Variants in CHCHD3 observed in about 807,000 individuals in gnomAD.
CHCHD3 encodes the protein MICOS complex subunit MIC19.
Under a neutral mutation model 38.2 loss-of-function variants are expected in CHCHD3, and 20 were observed. That is an observed-to-expected ratio of 0.52 (90% CI 0.37 to 0.76). CHCHD3 has a LOEUF of 0.76. CHCHD3 is among the 30% of genes least tolerant of loss of function. The pLI is 0.00. For synonymous variants in CHCHD3, 82 were observed against 100.0 expected (o/e 0.82, Z 1.07); for missense variants, 245 against 279.2 (o/e 0.88, Z 0.87).
intron 4 of CHCHD3, among the ~76,000 whole-genome samples, chr7:132,970,268 A>C (rs2117323355): frequency 6.6e-6 from 1 of 152,274 alleles, no homozygotes; most frequent in South Asian, 2.1e-4. Context: ...TCATACTTCA[A>C]GAGTCAGCTC....
At chr7:133,029,487 C>T (rs1157642178) in intron 2 of CHCHD3, among the ~76,000 whole-genome samples, 3 of 152,158 alleles carry the variant, frequency 2.0e-5, no homozygotes, top group African/African-American at 7.2e-5. Context: ...TAAGAACATA[C>T]AGTATTTGTC....
At chr7:132,919,139 T>C (rs1026581283) in intron 4 of CHCHD3, among the ~76,000 whole-genome samples, 4 of 134,230 alleles carry the variant, frequency 3.0e-5, no homozygotes, top group African/African-American at 1.1e-4. Context: ...GACGGAGTCT[T>C]GCTCTGTCGC....
intron 2 of CHCHD3, among the ~76,000 whole-genome samples, chr7:133,059,198 A>AG (rs1237467158): frequency 1.3e-5 from 2 of 152,190 alleles, no homozygotes; most frequent in African/African-American, 2.4e-5. Flanking sequence ...GCCACACAGG[A>AG]GAAGATAGAG....
chr7:133,017,546 A>G (rs1278301854), intron 3 of CHCHD3, among the ~76,000 whole-genome samples: 1 of 152,226 alleles, frequency 6.6e-6, no homozygotes, highest in Non-Finnish European at 1.5e-5. Flanking sequence ...ACTTTGGCAC[A>G]AATGACTTCA....
At chr7:132,832,844 C>G (rs960063456) in intron 6 of CHCHD3, among the ~76,000 whole-genome samples, 1 of 152,178 alleles carries the variant, frequency 6.6e-6, no homozygotes, top group African/African-American at 2.4e-5. Flanking sequence ...AGCTACATTG[C>G]TGTGAGGCTT....
intron 6 of CHCHD3, among the ~76,000 whole-genome samples, chr7:132,804,914 G>GCTCC (rs1806876762): frequency 1.3e-5 from 2 of 152,174 alleles, no homozygotes; most frequent in South Asian, 4.1e-4. Context: ...GTGGGAGGAG[G>GCTCC]GGTAGAGTCA....
chr7:133,066,866 T>C (rs1313426227), intron 2 of CHCHD3, among the ~76,000 whole-genome samples: 1 of 152,190 alleles, frequency 6.6e-6, no homozygotes, highest in East Asian at 1.9e-4. Context: ...CAACGGGTTC[T>C]TTCCTTAGTT....
intron 2 of CHCHD3, chr7:133,051,916 G>C (rs1814179252): frequency 6.6e-6 from 1 of 152,186 alleles, no homozygotes; most frequent in Non-Finnish European, 1.5e-5. Context: ...GGGAATCTTA[G>C]AGATAACAGT....
Position 133,050,340 on chromosome 7 carries a change from TAAAAAAAAAAAAAAAAA to T in CHCHD3, c.169+19785_169+19801del, listed in dbSNP as rs35635002. 2.7e-3 allele frequency among the ~76,000 whole-genome samples: 85 copies of T among 31,858 alleles called. 1 individual carries two copies. The highest frequency in any genetic ancestry group is 9.6e-3 in the Admixed American group (17 of 1,774). The allele number at this position is 31,858 out of a possible 152,430, so 20.9% of individuals were successfully genotyped here. A position where few individuals can be genotyped will look rare whatever the true frequency, so the allele number is the denominator to read the frequency against. On this transcript the variant is annotated intron_variant, in intron 2 of 7. Transcript: ENST00000262570. ...CTGAGTAACAGAGGAGGCTGTGTCT[TAAAAAAAAAAAAAAAAA>T]AAAAAAAAAAAAAAAAAATGCAGAA...
At chr7:132,938,425 G>A (rs183733638) in intron 4 of CHCHD3, among the ~76,000 whole-genome samples, 1 of 152,080 alleles carries the variant, frequency 6.6e-6, no homozygotes, top group Non-Finnish European at 1.5e-5. Context: ...CCAAAAGCTG[G>A]GGTAAAAACC....
rs57197603 is a variant in CHCHD3 at position 132,851,399 on chromosome 7, T to C, written c.454-12930A>G. Among the ~76,000 whole-genome samples the C allele has an allele frequency of 1.4e-4, 21 of 152,296 alleles. No individual in the cohort carries two copies. The East Asian group carries it at 3.3e-3, about 24-fold the overall frequency. The stretch of plus-strand genomic sequence containing the variant: ...TGGGACTTCTCATTTATCGCAAATA[T>C]AAGGTATTAATTTTTCTATTATTCT... On this transcript the variant is annotated intron_variant, in intron 5 of 7. Coordinates refer to ENST00000262570, the MANE Select transcript of CHCHD3 (RefSeq NM_017812.4).
At chr7:132,926,769 A>T (rs1210144324) in intron 4 of CHCHD3, among the ~76,000 whole-genome samples, 1 of 152,156 alleles carries the variant, frequency 6.6e-6, no homozygotes, top group Non-Finnish European at 1.5e-5. Context: ...TCTATCTAAC[A>T]CAATGTAAAT....
At chr7:133,010,693 C>G (rs1397340902) in intron 3 of CHCHD3, among the ~76,000 whole-genome samples, 2 of 152,106 alleles carry the variant, frequency 1.3e-5, no homozygotes, top group Non-Finnish European at 2.9e-5. Flanking sequence ...ATTCTCGTGC[C>G]TCAGCCTCCT....
chr7:132,900,727 T>C (rs1809645229), intron 4 of CHCHD3, among the ~76,000 whole-genome samples: 1 of 152,314 alleles, frequency 6.6e-6, no homozygotes, highest in African/African-American at 2.4e-5. Flanking sequence ...CTAGGCATGG[T>C]GGCCTGTAAA....
intron 4 of CHCHD3, among the ~76,000 whole-genome samples, chr7:132,903,136 C>T (rs946121727): frequency 1.3e-5 from 2 of 152,190 alleles, no homozygotes; most frequent in African/African-American, 2.4e-5. Flanking sequence ...TTCCACAACT[C>T]CCCAAGACCC....
intron 4 of CHCHD3, chr7:132,973,966 C>T (rs772073260): frequency 1.6e-6 from 2 of 1,286,452 alleles, no homozygotes; most frequent in South Asian, 2.5e-5. Context: ...CTAGGAAGGC[C>T]GAAGTGGAGG....
chr7:133,024,196 C>A (rs1463655955), intron 3 of CHCHD3, among the ~76,000 whole-genome samples: 1 of 152,148 alleles, frequency 6.6e-6, no homozygotes, highest in Non-Finnish European at 1.5e-5. Context: ...TACTTTAGTG[C>A]CTGTGGCAGG....
intron 4 of CHCHD3, among the ~76,000 whole-genome samples, chr7:132,929,238 C>T (rs1810460557): frequency 6.6e-6 from 1 of 152,152 alleles, no homozygotes; most frequent in Admixed American, 6.5e-5. Context: ...CAGTTTCTCA[C>T]TGAGGCTCAT....
intron 6 of CHCHD3, 41 bp downstream of exon 6, chr7:132,838,358 G>A (rs374256441): frequency 1.1e-5 from 15 of 1,338,114 alleles, no homozygotes; most frequent in Non-Finnish European, 1.6e-5. Context: ...CTTTCATCTT[G>A]TTAAGAATAG....
Sources: gnomAD v4.1 joint callset for allele counts (sites outside exome capture counted in the v4.1 genomes callset) on GRCh38, gnomAD v4.1.1 for gene constraint, MANE v1.5 for transcripts, NCBI Gene and HGNC (gene_info 2026-07-23, HGNC 2026-07-21) for gene names.